RHEBL1: variants seen among roughly 807,000 people sequenced by gnomAD.
RHEBL1 encodes RHEB like 1.
In RHEBL1, 22 loss-of-function variants were observed where a neutral mutation model predicts 27.4. That is an observed-to-expected ratio of 0.80 (90% confidence interval 0.57 to 1.15). RHEBL1 has a LOEUF of 1.15. Among genes scored for constraint, RHEBL1 ranks in the 50% most tolerant of loss-of-function variants. RHEBL1 has a pLI of 0.00. For missense variants in RHEBL1, 186 were observed against 226.5 expected, an observed-to-expected ratio of 0.82 and a Z score of 1.15; for synonymous variants, 85 against 80.8, an observed-to-expected ratio of 1.05 and a Z score of -0.28.
At chr12:49,068,677 C>T (rs1444948890) in intron 2 of RHEBL1, among the ~76,000 whole-genome samples, 1 of 152,064 alleles carries the variant, frequency 6.6e-6, no homozygotes, top group African/African-American at 2.4e-5. Flanking sequence ...CTCAATCCAT[C>T]CGCCCGCCTC....
In RHEBL1 at chr12:49,065,334, T is replaced by A; in HGVS notation, c.462+16A>T. Reference sequence around the variant, plus strand: ...ACAGCTACCATCACCACCCTTCTAGTCTTCAGGCCCAGCACCTGATTCTCT... The same window carrying A: ...ACAGCTACCATCACCACCCTTCTAGACTTCAGGCCCAGCACCTGATTCTCT... On this transcript the variant is annotated intron_variant, in intron 7 of 7. Coordinates refer to ENST00000301068, the MANE Select transcript of RHEBL1 (RefSeq NM_144593.3). 6.2e-7 allele frequency: 1 copy of A among 1,611,028 alleles called. No individual in the cohort carries two copies. The highest frequency in any genetic ancestry group is 8.5e-7 in the Non-Finnish European group (1 of 1,177,182).
chr12:49,066,237 GGA>G lies in RHEBL1; in HGVS notation c.372_373del (p.Pro125ArgfsTer8). On this transcript the variant is annotated frameshift_variant, in exon 6 of 8. Transcript: ENST00000301068. LOFTEE classifies it high-confidence loss of function. The stretch of plus-strand genomic sequence containing the variant: ...GTAGCAGAGATTTACATACCTCTCT[GGA>G]GAGAGATCTGCCTTGTTCCCCACTA... 1 of 1,613,010 alleles carries G rather than the reference GGA, an allele frequency of 6.2e-7. No individual in the cohort carries two copies. Among genetic ancestry groups the G allele is most frequent in the Non-Finnish European group, 8.5e-7 (1 of 1,179,012 alleles).
chr12:49,065,884 C>A (rs1208322994), intron 6 of RHEBL1, among the ~76,000 whole-genome samples: 1 of 151,690 alleles, frequency 6.6e-6, no homozygotes, highest in African/African-American at 2.4e-5. Context: ...GAGATCACAC[C>A]ACTGCACTCC....
At chr12:49,066,855 T>C (rs1939005584) in intron 3 of RHEBL1, 113 bp downstream of exon 3, 1 of 1,087,314 alleles carries the variant, frequency 9.2e-7, no homozygotes. Flanking sequence ...CCCTGCATAC[T>C]GTTAGCAGGT....
chr12:49,068,611 T>A (rs750983240), intron 2 of RHEBL1, among the ~76,000 whole-genome samples: 14 of 151,976 alleles, frequency 9.2e-5, no homozygotes, highest in South Asian at 2.1e-4. Flanking sequence ...AATTTTGGTA[T>A]TTTTAGTAGA....
At chr12:49,066,434 C>T in intron 5 of RHEBL1, 42 bp downstream of exon 5, 3 of 1,599,120 alleles carry the variant, frequency 1.9e-6, no homozygotes, top group Non-Finnish European at 2.6e-6. Context: ...TCTCCCACCC[C>T]CTCATGCCCA....
chr12:49,068,585 G>A (rs971354284), intron 2 of RHEBL1, among the ~76,000 whole-genome samples: 3 of 151,482 alleles, frequency 2.0e-5, no homozygotes, highest in Admixed American at 6.6e-5. Flanking sequence ...ACAGGCGTGC[G>A]CCACCATGCC....
intron 1 of RHEBL1, 154 bp from the exon 2 acceptor site, chr12:49,069,260 A>G (rs757013568): frequency 2.3e-6 from 3 of 1,321,798 alleles, no homozygotes; most frequent in Non-Finnish European, 2.0e-6. Context: ...GTCTACCCTC[A>G]CCCTCTTTTC....
chr12:49,064,923 T>C lies in RHEBL1; in HGVS notation c.*180A>G, dbSNP rs946424805. On this transcript the variant is annotated 3_prime_UTR_variant, in exon 8 of 8. Coordinates refer to ENST00000301068, the MANE Select transcript of RHEBL1 (RefSeq NM_144593.3). ...AGAGGTCCTTGCCCCTTTGTAAACA[T>C]TGACATCCAGGCCACTGGAGCCTGG... 7 of 600,250 alleles carry C rather than the reference T, an allele frequency of 1.2e-5. No homozygotes were observed. Among genetic ancestry groups the C allele is most frequent in the African/African-American group, 3.7e-5 (2 of 53,836 alleles). The allele number at this position is 600,250 out of a possible 1,614,324, so 37.2% of individuals were successfully genotyped here.
chr12:49,069,151 A>G, intron 1 of RHEBL1, 45 bp from the exon 2 acceptor site: 1 of 1,613,954 alleles, frequency 6.2e-7, no homozygotes, highest in Non-Finnish European at 8.5e-7. Context: ...ATCCATCCAC[A>G]TTCACATCCT....
Position 49,069,099 on chromosome 12 carries a change from T to C in RHEBL1, c.60A>G (p.Thr20=). ...VILGYRCVGK[T]SLAHQFVEGE... The stretch of plus-strand genomic sequence containing the variant: ...CTTCCACAAATTGATGTGCCAAAGA[T>C]GTCTTCCCTGTGGGGAGCAGTGTGA... The change falls in exon 2 of 8, where the codon ACA becomes ACG. Residue 20 remains threonine, a synonymous_variant. Transcript: ENST00000301068. The C allele has an allele frequency of 2.5e-6, 4 of 1,614,168 alleles. No homozygotes were observed. The highest frequency in any genetic ancestry group is 3.4e-6 in the Non-Finnish European group (4 of 1,180,006).
Position 49,069,825 on chromosome 12 carries a change from C to G in RHEBL1, c.-40G>C, listed in dbSNP as rs1390529259. 6.3e-7 allele frequency: 1 copy of G among 1,596,836 alleles called. No individual in the cohort carries two copies. The highest frequency in any genetic ancestry group is 1.1e-5 in the South Asian group (1 of 90,752). ...CCAGGGGCTTGCGGAACTGCGGGCT[C>G]AGAGAGCCCGAAAACGAGGTCAGGG... On this transcript the variant is annotated 5_prime_UTR_variant, in exon 1 of 8. Coordinates refer to ENST00000301068, the MANE Select transcript of RHEBL1 (RefSeq NM_144593.3).
chr12:49,069,210 A>C, intron 1 of RHEBL1, 104 bp from the exon 2 acceptor site: 2 of 1,591,338 alleles, frequency 1.3e-6, no homozygotes, highest in Non-Finnish European at 1.7e-6. Flanking sequence ...CCAAATTAAC[A>C]CCACAGTCTG....
chr12:49,069,971 A>C lies in RHEBL1; in HGVS notation c.-186T>G, dbSNP rs1052012723. 10 of 605,856 alleles carry C rather than the reference A, an allele frequency of 1.7e-5. No homozygotes were observed. Among genetic ancestry groups the C allele is most frequent in the African/African-American group, 1.1e-4 (6 of 53,850 alleles). The allele number at this position is 605,856 out of a possible 1,614,324, so 37.5% of individuals were successfully genotyped here. ...GCTGCCCACGTGATCACAACACAGC[A>C]CGTCTAACGCCAGGGAGCCGGGCGC... On this transcript the variant is annotated 5_prime_UTR_variant, in exon 1 of 8. Coordinates refer to ENST00000301068, the MANE Select transcript of RHEBL1 (RefSeq NM_144593.3).
intron 1 of RHEBL1, chr12:49,069,324 G>T: frequency 1.4e-6 from 1 of 721,160 alleles, no homozygotes; most frequent in Non-Finnish European, 2.2e-6. Flanking sequence ...GCAGCAGGAA[G>T]CCTTTCCCGC....
rs1298794890 is a variant in RHEBL1, at chr12:49,065,170, T to G, written c.485A>C (p.Lys162Thr). 2 of 1,614,016 alleles carry G rather than the reference T, an allele frequency of 1.2e-6. No homozygotes were observed. Among genetic ancestry groups the G allele is most frequent in the Non-Finnish European group, 1.7e-6 (2 of 1,179,902 alleles). ...ENQLTQGIFT[K>T]VIQEIARVEN... ...CACACGGGCAATCTCCTGGATGACT[T>G]TGGTGAAGATGCCTTGAGTCAGCTA... The change falls in exon 8 of 8, where the codon AAA becomes ACA. Residue 162 changes from lysine (K) to threonine (T), a missense_variant. By Grantham distance (78) the Lys-to-Thr change is moderately conservative. This residue lies in a region of RHEBL1 where 90 missense variants were observed against 95.2 expected (regional missense o/e 0.95). Coordinates refer to ENST00000301068, the MANE Select transcript of RHEBL1 (RefSeq NM_144593.3).
Position 49,065,204 on chromosome 12 carries a change from G to C in RHEBL1, c.463-12C>G. The C allele has an allele frequency of 6.2e-7, 1 of 1,609,242 alleles. No individual in the cohort carries two copies. The highest frequency in any genetic ancestry group is 8.5e-7 in the Non-Finnish European group (1 of 1,175,534). On this transcript the variant is annotated splice_polypyrimidine_tract_variant and intron_variant, in intron 7 of 7. Transcript: ENST00000301068. ...ATGCCTTGAGTCAGCTATAAGAGGA[G>C]AGGATTCAGGGCAAAAGTCAGTTCA...
At position 49,069,942 on chromosome 12, in the gene RHEBL1, C is replaced by A; in HGVS notation, c.-157G>T. 1 of 657,322 alleles carries A rather than the reference C, an allele frequency of 1.5e-6. No individual in the cohort carries two copies. Among genetic ancestry groups the A allele is most frequent in the South Asian group, 1.7e-5 (1 of 59,826 alleles). 40.7% of individuals were successfully genotyped at this position (657,322 alleles called of 1,614,324 possible). On this transcript the variant is annotated 5_prime_UTR_variant, in exon 1 of 8. Coordinates refer to ENST00000301068, the MANE Select transcript of RHEBL1 (RefSeq NM_144593.3). ...AGGAAACCAAAACAAGCGCCGCGCC[C>A]GGAGCTGCCCACGTGATCACAACAC...
intron 6 of RHEBL1, 67 bp from the exon 7 acceptor site, chr12:49,065,498 A>G (rs1938981815): frequency 9.6e-6 from 13 of 1,356,150 alleles, no homozygotes; most frequent in Non-Finnish European, 1.2e-5. Context: ...AAAAATCTTC[A>G]GAATCAAGAC....
Sources: allele counts gnomAD v4.1 joint callset (sites outside exome capture counted in the v4.1 genomes callset), GRCh38; gene constraint gnomAD v4.1.1; regional missense constraint gnomAD v4.1.1; transcripts MANE v1.5; gene names NCBI Gene and HGNC (gene_info 2026-07-23, HGNC 2026-07-21).